The following TBC1D9 variants were observed in gnomAD, a reference collection of about 807,000 sequenced individuals.
The protein encoded by TBC1D9 is TBC1 domain family member 9.
In TBC1D9, 63 loss-of-function variants were observed where a neutral mutation model predicts 132.0. The ratio of observed to expected loss-of-function variants is 0.48; its 90% CI spans 0.39 to 0.59. The LOEUF (loss-of-function observed/expected upper bound fraction) is 0.59, where lower values mean the gene tolerates loss of function less well. TBC1D9 is among the 20% of genes least tolerant of loss of function. The pLI, the probability that TBC1D9 is intolerant of heterozygous loss-of-function variation, is 0.00. For synonymous variants in TBC1D9, 610 were observed against 609.9 expected, an observed-to-expected ratio of 1.00 and a Z score of 0.00; for missense variants, 1,261 against 1,592.7, an observed-to-expected ratio of 0.79 and a Z score of 3.54.
At chr4:140,709,573 G>T (rs541139693) in intron 1 of TBC1D9, among the ~76,000 whole-genome samples, 11 of 151,722 alleles carry the variant, frequency 7.3e-5, no homozygotes, top group Non-Finnish European at 1.6e-4. Context: ...ATTGTTCTAG[G>T]TTCCTAAATG....
chr4:140,679,125 A>G lies in TBC1D9; in HGVS notation c.668T>C (p.Val223Ala). The G allele has an allele frequency of 6.2e-7, 1 of 1,613,944 alleles. No individual in the cohort carries two copies. The highest frequency in any genetic ancestry group is 8.5e-7 in the Non-Finnish European group (1 of 1,179,848). The change falls in exon 5 of 21, where the codon GTG becomes GCG. Residue 223 changes from valine (V) to alanine (A), a missense_variant. Val to Ala is a moderately conservative substitution (Grantham distance 64). Transcript: ENST00000442267. ...GAAATGCTCACTGGACCGTGTGCTC[A>G]CTTTGATCACATCAGGCAGAAGCAG... is the stretch of plus-strand genomic sequence containing the variant. ...ATLLLPDVIK[V>A]STRSSEHFFS...
chr4:140,685,926 G>T (rs1218727044), intron 3 of TBC1D9, among the ~76,000 whole-genome samples: 1 of 145,644 alleles, frequency 6.9e-6, no homozygotes, highest in Non-Finnish European at 1.5e-5. Flanking sequence ...ATAGTGACTA[G>T]GTGACTATAG....
intron 2 of TBC1D9, among the ~76,000 whole-genome samples, chr4:140,687,357 T>TC (rs1444344003): frequency 0.12 from 6,805 of 57,546 alleles, 1,020 homozygotes; most frequent in African/African-American, 0.37. Context: ...TATATATATA[T>TC]ATATATATAT....
intron 9 of TBC1D9, among the ~76,000 whole-genome samples, chr4:140,668,594 A>C (rs1737484366): frequency 1.3e-5 from 2 of 152,228 alleles, no homozygotes; most frequent in South Asian, 4.1e-4. Context: ...GGAAAAAAGA[A>C]CTACTGAAGT....
chr4:140,688,711 A>C (rs936538654), intron 2 of TBC1D9, among the ~76,000 whole-genome samples: 2 of 152,096 alleles, frequency 1.3e-5, no homozygotes, highest in Non-Finnish European at 2.9e-5. Context: ...ACCTTTACCC[A>C]TCTCAGAGAA....
At chr4:140,680,023 C>T (rs1454416534) in intron 3 of TBC1D9, among the ~76,000 whole-genome samples, 180 bp from the exon 4 acceptor site, 1 of 151,774 alleles carries the variant, frequency 6.6e-6, no homozygotes, top group Non-Finnish European at 1.5e-5. Flanking sequence ...AAAATATTTT[C>T]ACATAATATA....
intron 13 of TBC1D9, chr4:140,645,505 C>T: frequency 2.7e-6 from 1 of 368,230 alleles, no homozygotes; most frequent in Non-Finnish European, 5.3e-6. Flanking sequence ...TACCCCTAAG[C>T]CACTATCCTC....
intron 1 of TBC1D9, among the ~76,000 whole-genome samples, chr4:140,705,179 A>C (rs1422099771): frequency 6.6e-6 from 1 of 152,184 alleles, no homozygotes; most frequent in Non-Finnish European, 1.5e-5. Flanking sequence ...GAGTCCTTTC[A>C]TGCCTGGATA....
intron 13 of TBC1D9, among the ~76,000 whole-genome samples, chr4:140,655,377 A>T (rs967391272): frequency 6.6e-6 from 1 of 152,178 alleles, no homozygotes; most frequent in African/African-American, 2.4e-5. Flanking sequence ...AATTTTTTTT[A>T]AAAGCACTAA....
At chr4:140,717,732 T>G (rs1368046355) in intron 1 of TBC1D9, among the ~76,000 whole-genome samples, 1 of 152,078 alleles carries the variant, frequency 6.6e-6, no homozygotes, top group East Asian at 1.9e-4. Flanking sequence ...GCGTGAAGAT[T>G]ATGTGATTGG....
chr4:140,702,156 T>C (rs1738079645), intron 1 of TBC1D9, among the ~76,000 whole-genome samples: 1 of 152,214 alleles, frequency 6.6e-6, no homozygotes, highest in Admixed American at 6.5e-5. Context: ...GTTTATGCTA[T>C]GAAATGATGC....
intron 18 of TBC1D9, among the ~76,000 whole-genome samples, chr4:140,625,802 T>G (rs1736698750): frequency 6.6e-6 from 1 of 152,212 alleles, no homozygotes; most frequent in African/African-American, 2.4e-5. Flanking sequence ...GGTAGTTTGA[T>G]CCCAGTTCTA....
intron 13 of TBC1D9, 61 bp from the exon 14 acceptor site, chr4:140,639,489 T>G: frequency 4.3e-6 from 5 of 1,176,256 alleles, no homozygotes; most frequent in Non-Finnish European, 6.2e-6. Flanking sequence ...ATGTCCTGTC[T>G]GCAGAATGCC....
chr4:140,653,524 C>T (rs1028149188), intron 13 of TBC1D9, among the ~76,000 whole-genome samples: 2 of 151,914 alleles, frequency 1.3e-5, no homozygotes, highest in African/African-American at 4.8e-5. Context: ...TTTAATTGGT[C>T]TGGGATGGAG....
chr4:140,635,477 G>C (rs978812006), intron 15 of TBC1D9, among the ~76,000 whole-genome samples: 9 of 152,058 alleles, frequency 5.9e-5, no homozygotes, highest in Non-Finnish European at 1.5e-5. Flanking sequence ...GTGAGACCCT[G>C]TCTTAAAAAA....
At chr4:140,654,174 A>G (rs943359150) in intron 13 of TBC1D9, among the ~76,000 whole-genome samples, 2 of 152,230 alleles carry the variant, frequency 1.3e-5, no homozygotes, top group African/African-American at 4.8e-5. Context: ...ACCTGAACAA[A>G]GGGCATGAGA....
chr4:140,644,371 C>T (rs1737063824), intron 13 of TBC1D9: 4 of 284,224 alleles, frequency 1.4e-5, no homozygotes, highest in South Asian at 7.2e-5. Flanking sequence ...TAGGTGTAGG[C>T]AGGCGCCTTG....
At position 140,621,874 on chromosome 4, in the gene TBC1D9, G is replaced by A. The variant is rs1335414610; in HGVS notation, c.*321C>T. On this transcript the variant is annotated 3_prime_UTR_variant, in exon 21 of 21. Transcript: ENST00000442267. The stretch of plus-strand genomic sequence containing the variant: ...TAAACAGTACTATTTTTTAAACCAT[G>A]TATACAGCTCAACAGCAAGATTAAT... 1 of 212,530 alleles carries A rather than the reference G, an allele frequency of 4.7e-6. No homozygotes were observed. Among genetic ancestry groups the A allele is most frequent in the East Asian group, 1.0e-4 (1 of 9,642 alleles). 13.2% of individuals were successfully genotyped at this position (212,530 alleles called of 1,614,324 possible).
intron 6 of TBC1D9, among the ~76,000 whole-genome samples, chr4:140,674,836 C>T (rs58023085): frequency 0.065 from 9,868 of 151,946 alleles, 1,058 homozygotes; most frequent in African/African-American, 0.22. Context: ...GTAGCTAGGA[C>T]TACAGGAGCA....
Sources: gnomAD v4.1 joint callset for allele counts (sites outside exome capture counted in the v4.1 genomes callset) on GRCh38, gnomAD v4.1.1 for gene constraint, MANE v1.5 for transcripts, NCBI Gene and HGNC (gene_info 2026-07-23, HGNC 2026-07-21) for gene names.